The following COMMD10 variants were observed in gnomAD, a reference collection of about 807,000 sequenced individuals.
The protein encoded by COMMD10 is COMM domain-containing protein 10.
A neutral mutation model predicts 28.9 loss-of-function variants in COMMD10; 33 were observed. The observed-to-expected ratio is 1.14, with a 90% CI of 0.87 to 1.53. The LOEUF is 1.53. COMMD10 is among the 40% of genes most tolerant of loss of function. COMMD10 has a pLI of 0.00. For missense variants in COMMD10, 310 were observed against 233.4 expected (o/e 1.33, Z -2.14); for synonymous variants, 110 against 81.7 (o/e 1.35, Z -1.87).
chr5:116,196,402 G>C (rs1254950240), intron 5 of COMMD10, among the ~76,000 whole-genome samples: 1 of 152,024 alleles, frequency 6.6e-6, no homozygotes, highest in Non-Finnish European at 1.5e-5. Flanking sequence ...AGTGTATACT[G>C]CTTGGGTGAT....
At position 116,282,291 on chromosome 5, in the gene COMMD10, C is replaced by T. The variant is rs531458423; in HGVS notation, c.511-9226C>T. Among the ~76,000 whole-genome samples, 4 of 151,994 alleles carry T rather than the reference C, an allele frequency of 2.6e-5. No homozygotes were observed. The East Asian group carries it at 7.7e-4, about 29-fold the overall frequency. On this transcript the variant is annotated intron_variant, in intron 5 of 6. Coordinates refer to ENST00000274458, the MANE Select transcript of COMMD10 (RefSeq NM_016144.4). ...CATTACCTCAGAATTTTTCACTTTT[C>T]TCTGTCATTGCTGCCATCACATTTG... is the stretch of plus-strand genomic sequence containing the variant.
At chr5:116,205,820 C>T (rs1028101616) in intron 5 of COMMD10, among the ~76,000 whole-genome samples, 1 of 152,064 alleles carries the variant, frequency 6.6e-6, no homozygotes, top group Non-Finnish European at 1.5e-5. Flanking sequence ...TTAATGTAAA[C>T]ATATTTTAGC....
At chr5:116,180,181 G>A (rs1747908835) in intron 5 of COMMD10, among the ~76,000 whole-genome samples, 1 of 151,976 alleles carries the variant, frequency 6.6e-6, no homozygotes, top group Admixed American at 6.6e-5. Context: ...AGAGACGCTT[G>A]GGTTACCTCT....
At chr5:116,205,641 T>A (rs1231926404) in intron 5 of COMMD10, among the ~76,000 whole-genome samples, 2 of 152,172 alleles carry the variant, frequency 1.3e-5, no homozygotes, top group East Asian at 3.9e-4. Context: ...TTTGTGTGTA[T>A]ATGTTTTTAT....
chr5:116,184,539 A>G (rs983748841), intron 5 of COMMD10, among the ~76,000 whole-genome samples: 1 of 152,036 alleles, frequency 6.6e-6, no homozygotes, highest in Non-Finnish European at 1.5e-5. Flanking sequence ...ACTGACTCCT[A>G]GGGTACAGTC....
At chr5:116,251,603 TCCC>T in intron 5 of COMMD10, among the ~76,000 whole-genome samples, 1 of 151,266 alleles carries the variant, frequency 6.6e-6, no homozygotes, top group Admixed American at 6.6e-5. Context: ...TTCATCCATG[TCCC>T]TACAAAGGAC....
chr5:116,201,302 T>C (rs574730458), intron 5 of COMMD10, among the ~76,000 whole-genome samples: 22 of 152,302 alleles, frequency 1.4e-4, no homozygotes, highest in African/African-American at 5.0e-4. Context: ...AGTGGATTTT[T>C]CTCCAGTATT....
chr5:116,090,388 T>C (rs565549315), intron 2 of COMMD10, among the ~76,000 whole-genome samples: 6 of 152,264 alleles, frequency 3.9e-5, no homozygotes, highest in South Asian at 2.1e-4. Flanking sequence ...GCGGTTTGCA[T>C]TGGGAAATGC....
At chr5:116,250,287 T>C (rs1750072109) in intron 5 of COMMD10, among the ~76,000 whole-genome samples, 2 of 151,874 alleles carry the variant, frequency 1.3e-5, no homozygotes, top group Non-Finnish European at 2.9e-5. Flanking sequence ...AATATGCATT[T>C]GGTATAGTAA....
chr5:116,234,936 G>A (rs1174494670), intron 5 of COMMD10, among the ~76,000 whole-genome samples: 2 of 152,136 alleles, frequency 1.3e-5, no homozygotes, highest in African/African-American at 2.4e-5. Flanking sequence ...TTGGATAAGA[G>A]CAGTCTCTTC....
At chr5:116,242,610 T>A (rs968800596) in intron 5 of COMMD10, among the ~76,000 whole-genome samples, 1 of 152,182 alleles carries the variant, frequency 6.6e-6, no homozygotes, top group African/African-American at 2.4e-5. Flanking sequence ...ACTATGTCCT[T>A]AACAAGTACT....
intron 3 of COMMD10, 77 bp downstream of exon 3, chr5:116,091,266 C>A: frequency 1.5e-6 from 1 of 649,212 alleles, no homozygotes; most frequent in South Asian, 3.2e-5. Context: ...CTATGACATT[C>A]TGTTTTTTTT....
chr5:116,256,372 T>G (rs558460298), intron 5 of COMMD10, among the ~76,000 whole-genome samples: 2 of 151,882 alleles, frequency 1.3e-5, no homozygotes, highest in East Asian at 3.9e-4. Flanking sequence ...GACATGATTA[T>G]AGTGAAGTAT....
chr5:116,214,923 C>G (rs569083124), intron 5 of COMMD10, among the ~76,000 whole-genome samples: 77 of 152,224 alleles, frequency 5.1e-4, no homozygotes, highest in Non-Finnish European at 8.5e-4. Context: ...TCTATACTTT[C>G]ATTCCCACTT....
chr5:116,277,246 T>C (rs1750942737), intron 5 of COMMD10, among the ~76,000 whole-genome samples: 1 of 151,854 alleles, frequency 6.6e-6, no homozygotes, highest in African/African-American at 2.4e-5. Flanking sequence ...CCAGATATAC[T>C]AAGGATTATA....
chr5:116,155,397 A>G (rs540330219), intron 5 of COMMD10, among the ~76,000 whole-genome samples: 3 of 152,092 alleles, frequency 2.0e-5, no homozygotes, highest in South Asian at 2.1e-4. Context: ...AAACGCTACT[A>G]TTTTCATTAA....
intron 4 of COMMD10, among the ~76,000 whole-genome samples, chr5:116,111,691 A>G (rs948552044): frequency 6.6e-6 from 1 of 152,148 alleles, no homozygotes; most frequent in African/African-American, 2.4e-5. Flanking sequence ...TTGTGGCATA[A>G]CATATGGTCT....
At chr5:116,292,377 G>A in intron 6 of COMMD10, 74 bp from the exon 7 acceptor site, 6 of 929,594 alleles carry the variant, frequency 6.5e-6, no homozygotes, top group African/African-American at 1.7e-5. Flanking sequence ...CTATTTGCAT[G>A]TGTCTGAATA....
At chr5:116,192,270 C>G (rs983132214) in intron 5 of COMMD10, among the ~76,000 whole-genome samples, 1 of 150,756 alleles carries the variant, frequency 6.6e-6, no homozygotes, top group East Asian at 2.0e-4. Flanking sequence ...CAACCCCCCC[C>G]CCCAAAAATA....
Sources: allele counts gnomAD v4.1 joint callset (sites outside exome capture counted in the v4.1 genomes callset), GRCh38; gene constraint gnomAD v4.1.1; transcripts MANE v1.5; gene names NCBI Gene and HGNC (gene_info 2026-07-23, HGNC 2026-07-21).